The following CCDC63 variants were observed in gnomAD, a reference collection of about 807,000 sequenced individuals.
CCDC63 encodes the protein coiled-coil domain-containing protein 63.
Under a neutral mutation model 63.6 loss-of-function variants are expected in CCDC63, and 54 were observed. That is an observed-to-expected ratio of 0.85 (90% CI 0.68 to 1.07). The LOEUF is 1.07. CCDC63 is among the 50% of genes least tolerant of loss of function. The probability of loss-of-function intolerance (pLI) is 0.00; values close to 1 mark genes in which losing one functional copy is unlikely to be tolerated. For synonymous variants in CCDC63, 253 were observed against 266.1 expected (o/e 0.95, Z 0.48); for missense variants, 637 against 689.6 (o/e 0.92, Z 0.86).
At position 110,892,153 on chromosome 12, in the gene CCDC63, G is replaced by T. The variant is rs573690746; in HGVS notation, c.1075-923G>T. Among the ~76,000 whole-genome samples the T allele has an allele frequency of 2.6e-5, 4 of 152,256 alleles. No homozygotes were observed. In the South Asian group the frequency reaches 8.3e-4, roughly 32 times the overall value. On this transcript the variant is annotated intron_variant, in intron 8 of 11. Coordinates refer to ENST00000308208, the MANE Select transcript of CCDC63 (RefSeq NM_152591.3). The stretch of plus-strand genomic sequence containing the variant: ...GCCTCCAGGTGACTCTGGAGAGTCT[G>T]AGAGTATGCTCAGGTTTGAGAACTC...
intron 3 of CCDC63, among the ~76,000 whole-genome samples, chr12:110,857,303 T>C (rs1481923724): frequency 6.6e-6 from 1 of 151,570 alleles, no homozygotes; most frequent in African/African-American, 2.4e-5. Context: ...TTTTTTGTAT[T>C]TTTACTAGAG....
In CCDC63 at chr12:110,899,060, C is replaced by T; in HGVS notation, c.1277C>T (p.Thr426Ile). 2 of 1,613,880 alleles carry T rather than the reference C, an allele frequency of 1.2e-6. No homozygotes were observed. Among genetic ancestry groups the T allele is most frequent in the South Asian group, 1.1e-5 (1 of 90,982 alleles). The change falls in exon 10 of 12, where the codon ACC becomes ATC. Residue 426 changes from threonine to isoleucine, a missense_variant. Thr to Ile is a moderately conservative substitution (Grantham distance 89, BLOSUM62 -1). Transcript: ENST00000308208. ...TTCAAGAAGATAAACTGTGACGCCA[C>T]CAAGATCCTGGTGCAGTTAGGGGAG... ...KLFKKINCDA[T>I]KILVQLGETG...
chr12:110,854,558 G>T (rs1463297209), intron 3 of CCDC63, among the ~76,000 whole-genome samples: 1 of 152,116 alleles, frequency 6.6e-6, no homozygotes, highest in South Asian at 2.1e-4. Context: ...GCCTCCTAAA[G>T]TGCTGGGATT....
At chr12:110,883,486 GT>G in intron 7 of CCDC63, among the ~76,000 whole-genome samples, 1 of 152,234 alleles carries the variant, frequency 6.6e-6, no homozygotes, top group Non-Finnish European at 1.5e-5. Flanking sequence ...GCCTAGCACA[GT>G]GTGTGACTCA....
chr12:110,858,466 C>T (rs2070806988), intron 3 of CCDC63, 120 bp from the exon 4 acceptor site: 1 of 810,720 alleles, frequency 1.2e-6, no homozygotes, highest in Non-Finnish European at 1.9e-6. Flanking sequence ...TCCCTTTTGC[C>T]TGCTTGCTCA....
chr12:110,873,800 A>G (rs1285213339), intron 4 of CCDC63, 42 bp from the exon 5 acceptor site: 1 of 1,607,664 alleles, frequency 6.2e-7, no homozygotes, highest in Non-Finnish European at 8.5e-7. Flanking sequence ...ACCCATACAG[A>G]TGCTAACACA....
chr12:110,879,937 C>G lies in CCDC63; in HGVS notation c.521C>G (p.Thr174Ser). Residue 174 changes from threonine to serine, a missense_variant, in exon 6 of 12, where the codon ACT (threonine) becomes AGT (serine). By Grantham distance (58) the Thr-to-Ser change is moderately conservative. Coordinates refer to ENST00000308208, the MANE Select transcript of CCDC63 (RefSeq NM_152591.3). ...VTVHFDKMLT[T>S]NAKLRKEIED... ...GTTCACTTTGACAAGATGCTGACCA[C>G]TAATGCCAAGCTCCGGAAGGAGATT... 2.5e-6 allele frequency: 4 copies of G among 1,614,196 alleles called. No homozygotes were observed. The highest frequency in any genetic ancestry group is 3.4e-6 in the Non-Finnish European group (4 of 1,180,020).
chr12:110,856,669 A>ATAGT (rs1555252118), intron 3 of CCDC63, among the ~76,000 whole-genome samples: 1 of 151,598 alleles, frequency 6.6e-6, no homozygotes, highest in Non-Finnish European at 1.5e-5. Flanking sequence ...GGCCCCTCAG[A>ATAGT]GAACATTTTC....
At position 110,881,231 on chromosome 12, in the gene CCDC63, A is replaced by G; in HGVS notation, c.788A>G (p.Lys263Arg). ...CTCTATGCCCATGAGAGCAAGCTCA[A>G]GTCCTTCCTGCTCGTCAAGCTGAAT... ...ERLYAHESKL[K>R]SFLLVKLNDR... The change falls in exon 7 of 12, where the codon AAG (lysine) becomes AGG (arginine). Residue 263 changes from lysine to arginine, a missense_variant. Transcript: ENST00000308208. 4 of 1,613,950 alleles carry G rather than the reference A, an allele frequency of 2.5e-6. No individual in the cohort carries two copies. The highest frequency in any genetic ancestry group is 3.4e-6 in the Non-Finnish European group (4 of 1,179,976).
chr12:110,897,945 G>A (rs1041781865), intron 9 of CCDC63, among the ~76,000 whole-genome samples: 2 of 151,960 alleles, frequency 1.3e-5, no homozygotes. Flanking sequence ...TGGCCAGGAT[G>A]GTGTTGAACT....
rs182463766 is a variant in CCDC63, at chr12:110,890,258, C to T, written c.1075-2818C>T. Among the ~76,000 whole-genome samples the T allele has an allele frequency of 2.2e-3, 339 of 151,618 alleles. 3 individuals are homozygous for T. The highest frequency in any genetic ancestry group is 0.013 in the Admixed American group (200 of 15,178). The stretch of plus-strand genomic sequence containing the variant: ...GGTCGAGGCTGTAGTGAGCCAAGAT[C>T]GCACCACTGCACTCCATCTGGGCAA... On this transcript the variant is annotated intron_variant, in intron 8 of 11. Transcript: ENST00000308208.
intron 8 of CCDC63, among the ~76,000 whole-genome samples, chr12:110,892,261 A>G (rs1315526539): frequency 1.3e-5 from 2 of 152,126 alleles, no homozygotes; most frequent in Non-Finnish European, 2.9e-5. Flanking sequence ...ATTAAACAAT[A>G]TCTAAAAATT....
At chr12:110,858,520 GC>G (rs1334545931) in intron 3 of CCDC63, 65 bp from the exon 4 acceptor site, 1 of 1,455,252 alleles carries the variant, frequency 6.9e-7, no homozygotes, top group African/African-American at 1.4e-5. Flanking sequence ...GGGCTGATGT[GC>G]CTGGAGTGCT....
intron 3 of CCDC63, 57 bp from the exon 4 acceptor site, chr12:110,858,529 G>A (rs546767375): frequency 5.3e-6 from 8 of 1,509,448 alleles, no homozygotes; most frequent in South Asian, 2.5e-5. Context: ...TGCCTGGAGT[G>A]CTCCGTCAAG....
chr12:110,905,987 ATTAT>A (rs1399700521), intron 11 of CCDC63, among the ~76,000 whole-genome samples: 1 of 44,958 alleles, frequency 2.2e-5, no homozygotes, highest in African/African-American at 9.0e-5. Flanking sequence ...TATATATTAT[ATTAT>A]TATAATATAT....
At chr12:110,866,573 G>A (rs1286914680) in intron 4 of CCDC63, among the ~76,000 whole-genome samples, 2 of 147,956 alleles carry the variant, frequency 1.4e-5, no homozygotes, top group African/African-American at 5.0e-5. Context: ...ATCTTGCACC[G>A]CCCTTAATCC....
chr12:110,899,043 G>A lies in CCDC63; in HGVS notation c.1260G>A (p.Lys420=), dbSNP rs749872373. The change falls in exon 10 of 12, where the codon AAG becomes AAA. Residue 420 remains lysine, a synonymous_variant. Coordinates refer to ENST00000308208, the MANE Select transcript of CCDC63 (RefSeq NM_152591.3). ...LKNSVEKLFK[K]INCDATKILV... is the part of the protein sequence containing the mutation. ...ACTCAGTGGAGAAACTGTTCAAGAA[G>A]ATAAACTGTGACGCCACCAAGATCC... The A allele has an allele frequency of 6.2e-7, 1 of 1,613,862 alleles. No individual in the cohort carries two copies. Among genetic ancestry groups the A allele is most frequent in the South Asian group, 1.1e-5 (1 of 90,968 alleles).
chr12:110,870,974 G>A (rs955967177), intron 4 of CCDC63, among the ~76,000 whole-genome samples: 1 of 152,046 alleles, frequency 6.6e-6, no homozygotes, highest in Non-Finnish European at 1.5e-5. Context: ...CACCTCCACT[G>A]AAACTGCTTT....
chr12:110,847,677 C>T (rs190309641), intron 1 of CCDC63, among the ~76,000 whole-genome samples: 162 of 152,002 alleles, frequency 1.1e-3, no homozygotes, highest in Admixed American at 2.2e-3. Flanking sequence ...CAACAAAAAA[C>T]TGTGTATGTG....
Sources: gnomAD v4.1 joint callset for allele counts (sites outside exome capture counted in the v4.1 genomes callset) on GRCh38, gnomAD v4.1.1 for gene constraint, MANE v1.5 for transcripts, NCBI Gene and HGNC (gene_info 2026-07-23, HGNC 2026-07-21) for gene names.